Variants in BSN observed in about 807,000 individuals in gnomAD.
BSN encodes bassoon presynaptic cytomatrix protein, also known as protein bassoon.
In BSN, 57 loss-of-function variants were observed where a neutral mutation model predicts 264.8. That is an observed-to-expected ratio of 0.22 (90% CI 0.17 to 0.27). BSN has a LOEUF of 0.27. BSN is among the 10% of genes least tolerant of loss of function. The pLI is 1.00. For missense variants in BSN, 4,615 were observed against 5,232.5 expected, an observed-to-expected ratio of 0.88 and a Z score of 3.64; for synonymous variants, 2,059 against 2,137.3, an observed-to-expected ratio of 0.96 and a Z score of 1.01.
chr3:49,638,496 C>G lies in BSN; in HGVS notation c.634-3772C>G, dbSNP rs912077487. Among the ~76,000 whole-genome samples the G allele has an allele frequency of 6.6e-6, 1 of 152,194 alleles. No individual in the cohort carries two copies. Among genetic ancestry groups the G allele is most frequent in the East Asian group, 1.9e-4 (1 of 5,186 alleles). ...GGGATGTATTGCTGGCCTCAGAGAG[C>G]TCCCTCAGCCAGTGTCCTCCTTAGG... On this transcript the variant is annotated intron_variant, in intron 2 of 11. Coordinates refer to ENST00000296452, the MANE Select transcript of BSN (RefSeq NM_003458.4). The surrounding 1 kb of genome is among the most constrained non-coding windows in gnomAD (Gnocchi z 4.3).
intron 1 of BSN, among the ~76,000 whole-genome samples, chr3:49,598,526 G>A (rs1337241425): frequency 6.6e-6 from 1 of 152,058 alleles, no homozygotes; most frequent in Admixed American, 6.6e-5. Context: ...TGAACTTTTG[G>A]CCTCAAGCAA....
intron 1 of BSN, among the ~76,000 whole-genome samples, chr3:49,555,282 A>T (rs1179525973): frequency 6.6e-6 from 1 of 152,236 alleles, no homozygotes; most frequent in Non-Finnish European, 1.5e-5. Context: ...CGAGGAACAG[A>T]GAGATGAAAA....
intron 1 of BSN, among the ~76,000 whole-genome samples, chr3:49,560,790 G>A (rs904914310): frequency 2.6e-5 from 4 of 152,202 alleles, no homozygotes; most frequent in Non-Finnish European, 4.4e-5. Context: ...TCCTGCCTGT[G>A]GTAGGGGTGA....
downstream of BSN, among the ~76,000 whole-genome samples, chr3:49,671,741 G>A (rs763604666): frequency 2.6e-5 from 4 of 152,234 alleles, no homozygotes; most frequent in Non-Finnish European, 5.9e-5. The surrounding 1 kb of genome is among the most constrained non-coding windows in gnomAD (Gnocchi z 4.1). Context: ...GTGCCCAAGG[G>A]GAGGTCCCAA....
At position 49,661,453 on chromosome 3, in the gene BSN, G is replaced by A. The variant is rs367974706; in HGVS notation, c.9608G>A (p.Arg3203His). ...KVPEVPRAGD[R>H]GSVSQSPAPT... ...CCTGAGGTGCCCCGGGCTGGTGACC[G>A]TGGCAGTGTGAGCCAGAGCCCAGCC... is the stretch of plus-strand genomic sequence containing the variant. Residue 3203 changes from arginine to histidine, a missense_variant, in exon 6 of 12, where the codon CGT becomes CAT. This residue lies in a region of BSN where 3,415 missense variants were observed against 3,866.4 expected (regional missense o/e 0.88). Transcript: ENST00000296452. 5.6e-6 allele frequency: 9 copies of A among 1,613,256 alleles called. No individual in the cohort carries two copies. Among genetic ancestry groups the A allele is most frequent in the Middle Eastern group, 3.3e-4 (2 of 6,074 alleles).
chr3:49,600,363 G>T (rs1297125996), intron 1 of BSN, among the ~76,000 whole-genome samples: 2 of 152,152 alleles, frequency 1.3e-5, no homozygotes, highest in South Asian at 2.1e-4. Context: ...GGCCAGCCTG[G>T]CTGGAAAGGA....
intron 1 of BSN, among the ~76,000 whole-genome samples, chr3:49,612,688 A>G (rs963399190): frequency 6.6e-6 from 1 of 152,224 alleles, no homozygotes; most frequent in African/African-American, 2.4e-5. Flanking sequence ...GTTGCCAGCA[A>G]TTCAGACAAT....
intron 1 of BSN, among the ~76,000 whole-genome samples, chr3:49,591,374 T>A (rs2051975839): frequency 6.6e-6 from 1 of 152,240 alleles, no homozygotes; most frequent in Non-Finnish European, 1.5e-5. Context: ...TTATGCTTTC[T>A]TTTGTACTTA....
Position 49,625,291 on chromosome 3 carries a change from AC to A in BSN, c.546del (p.Ser183AlafsTer30). ...ATGCAAGACTTCGGACCTCACGTCG[AC>A]CCCCAGCCAGCCAAACTTCAACACC... ...PICKTSDLTS[T>X]PSQPNFNTCT... is the part of the protein sequence containing the mutation. On this transcript the variant is annotated frameshift_variant, in exon 2 of 12. Coordinates refer to ENST00000296452, the MANE Select transcript of BSN (RefSeq NM_003458.4). LOFTEE classifies it high-confidence loss of function. This position sits in a 1 kb window ranked among gnomAD's most constrained non-coding sequence, Gnocchi z 4.4. 6.2e-7 allele frequency: 1 copy of A among 1,601,390 alleles called. No individual in the cohort carries two copies. Among genetic ancestry groups the A allele is most frequent in the Non-Finnish European group, 8.5e-7 (1 of 1,173,862 alleles).
At chr3:49,624,844 C>G in intron 1 of BSN, 131 bp from the exon 2 acceptor site, 1 of 815,120 alleles carries the variant, frequency 1.2e-6, no homozygotes, top group South Asian at 2.2e-5. Flanking sequence ...AAATGAGGGC[C>G]ATGATGATTC....
At chr3:49,579,584 CT>C (rs71278640) in intron 1 of BSN, among the ~76,000 whole-genome samples, 17 of 147,232 alleles carry the variant, frequency 1.2e-4, no homozygotes, top group East Asian at 4.0e-4. Context: ...TTCTTTCTTT[CT>C]TTTTTTTTTG....
intron 1 of BSN, among the ~76,000 whole-genome samples, chr3:49,595,181 G>A (rs181199250): frequency 6.1e-5 from 9 of 148,614 alleles, no homozygotes; most frequent in Non-Finnish European, 1.0e-4. Flanking sequence ...GAGCCACTGC[G>A]CCTGGCCACA....
chr3:49,627,290 C>G (rs2052348133), intron 2 of BSN, among the ~76,000 whole-genome samples: 1 of 152,116 alleles, frequency 6.6e-6, no homozygotes, highest in Non-Finnish European at 1.5e-5. Context: ...TCCATGGCAC[C>G]CAGTTTGGGA....
chr3:49,615,131 T>C (rs2052249651), intron 1 of BSN, among the ~76,000 whole-genome samples: 1 of 152,244 alleles, frequency 6.6e-6, no homozygotes, highest in African/African-American at 2.4e-5. Flanking sequence ...CTCACTGCCT[T>C]AAACATGTTC....
Position 49,652,662 on chromosome 3 carries a change from A to G in BSN, c.3106A>G (p.Thr1036Ala), listed in dbSNP as rs1344066705. 6.2e-7 allele frequency: 1 copy of G among 1,600,190 alleles called. No individual in the cohort carries two copies. Among genetic ancestry groups the G allele is most frequent in the African/African-American group, 1.3e-5 (1 of 74,392 alleles). The change falls in exon 5 of 12, where the codon ACC becomes GCC. Residue 1036 changes from threonine (T) to alanine (A), a missense_variant. Coordinates refer to ENST00000296452, the MANE Select transcript of BSN (RefSeq NM_003458.4). ...RHRSHGPLLPTIEDSSEEEEL... is the reference protein window; with the variant it reads ...RHRSHGPLLPAIEDSSEEEEL... ...CCGCTCCCACGGGCCCCTGCTACCCACCATCGAGGACTCCTCAGAGGAGGA... is the reference window on the plus strand; with the variant it reads ...CCGCTCCCACGGGCCCCTGCTACCCGCCATCGAGGACTCCTCAGAGGAGGA...
intron 1 of BSN, among the ~76,000 whole-genome samples, chr3:49,597,648 T>A (rs937669753): frequency 6.6e-6 from 1 of 152,102 alleles, no homozygotes; most frequent in Non-Finnish European, 1.5e-5. Flanking sequence ...GTACTTTTTT[T>A]TTCTTCTTCT....
At chr3:49,609,653 G>T (rs549934667) in intron 1 of BSN, among the ~76,000 whole-genome samples, 2 of 152,150 alleles carry the variant, frequency 1.3e-5, no homozygotes, top group Non-Finnish European at 2.9e-5. Context: ...GGTGGGAAGA[G>T]TGAGCACTTA....
At position 49,662,346 on chromosome 3, in the gene BSN, G is replaced by A. The variant is rs1282951689; in HGVS notation, c.10501G>A (p.Ala3501Thr). The A allele has an allele frequency of 6.2e-7, 1 of 1,613,540 alleles. No homozygotes were observed. The change falls in exon 6 of 12, where the codon GCC (alanine) becomes ACC (threonine). Residue 3501 changes from alanine (A) to threonine (T), a missense_variant. Ala to Thr is a moderately conservative substitution (Grantham distance 58). This residue lies in a region of BSN where 3,415 missense variants were observed against 3,866.4 expected (regional missense o/e 0.88). Transcript: ENST00000296452. ...SRVRPPMRSQ[A>T]SEEESPVSPL... ...GGTACGACCCCCCATGCGGAGCCAG[G>A]CCTCTGAAGAGGAGAGCCCCGTCAG...
intron 1 of BSN, among the ~76,000 whole-genome samples, chr3:49,605,911 G>GATATAAATATATTTATATCT (rs1433334537): frequency 0.034 from 169 of 5,042 alleles, no homozygotes; most frequent in Non-Finnish European, 0.046. Flanking sequence ...TATATAAATA[G>GATATAAATATATTTATATCT]ATATAAATAG....
Sources: allele counts gnomAD v4.1 joint callset (sites outside exome capture counted in the v4.1 genomes callset), GRCh38; gene constraint gnomAD v4.1.1; regional missense constraint gnomAD v4.1.1; non-coding constraint Gnocchi (gnomAD v3.1); transcripts MANE v1.5; gene names NCBI Gene and HGNC (gene_info 2026-07-23, HGNC 2026-07-21).